The following PHC2 variants were observed in gnomAD, a reference collection of about 807,000 sequenced individuals.
PHC2 encodes the protein polyhomeotic homolog 2.
Under a neutral mutation model 87.4 loss-of-function variants are expected in PHC2, and 29 were observed. The observed-to-expected ratio is 0.33, with a 90% CI of 0.25 to 0.45. PHC2 has a LOEUF of 0.45. PHC2 is among the 20% of genes least tolerant of loss of function. The pLI is 1.00. For missense variants in PHC2, 857 were observed against 1,136.7 expected, an observed-to-expected ratio of 0.75 and a Z score of 3.54; for synonymous variants, 438 against 461.7, an observed-to-expected ratio of 0.95 and a Z score of 0.66.
At chr1:33,354,703 T>C (rs576994628) in intron 8 of PHC2, 135 bp downstream of exon 8, 3 of 1,306,846 alleles carry the variant, frequency 2.3e-6, no homozygotes, top group African/African-American at 2.9e-5. Flanking sequence ...GGGAAGGCCC[T>C]CTCTTCCTTC....
rs1646589404 is a variant in PHC2 at position 33,334,848 on chromosome 1, A to G, written c.1559-556T>C. ...GGAATGTGGGTGCTGAACCCCAAGT[A>G]AAGGCTATCATGTATATTTGACTAT... On this transcript the variant is annotated intron_variant, in intron 9 of 14. Coordinates refer to ENST00000683057, the MANE Select transcript of PHC2 (RefSeq NM_001385109.1). The surrounding 1 kb of genome is among the most constrained non-coding windows in gnomAD (Gnocchi z 5.5). Among the ~76,000 whole-genome samples the G allele has an allele frequency of 6.6e-6, 1 of 152,212 alleles. No homozygotes were observed. The highest frequency in any genetic ancestry group is 2.1e-4 in the South Asian group (1 of 4,836).
At chr1:33,427,644 TAATG>T (rs928865926) in intron 1 of PHC2, among the ~76,000 whole-genome samples, 2 of 152,224 alleles carry the variant, frequency 1.3e-5, no homozygotes, top group African/African-American at 4.8e-5. Flanking sequence ...TTACTAAGTA[TAATG>T]AATGTTTCCC....
In PHC2 at chr1:33,349,551, C is replaced by G. The variant is rs1004749333; in HGVS notation, c.1558+4850G>C. ...ACTTCCAGTGCGGCGAGCGCGGCCC[C>G]CGGCCTCCCTACTGGCGAGAACCCC... On this transcript the variant is annotated intron_variant, in intron 9 of 14. Transcript: ENST00000683057. The surrounding 1 kb of genome is among the most constrained non-coding windows in gnomAD (Gnocchi z 4.2). 6 of 982,776 alleles carry G rather than the reference C, an allele frequency of 6.1e-6. No individual in the cohort carries two copies. The highest frequency in any genetic ancestry group is 6.0e-6 in the Non-Finnish European group (5 of 827,838). 60.9% of individuals were successfully genotyped at this position (982,776 alleles called of 1,614,324 possible).
intron 9 of PHC2, among the ~76,000 whole-genome samples, chr1:33,353,612 TAA>T (rs1647014170): frequency 6.6e-6 from 1 of 152,240 alleles, no homozygotes; most frequent in Admixed American, 6.5e-5. Context: ...CATCAATTTC[TAA>T]ACTCTTTTTC....
Position 33,349,638 on chromosome 1 carries a change from C to A in PHC2, c.1558+4763G>T. 1.0e-6 allele frequency: 1 copy of A among 983,514 alleles called. No individual in the cohort carries two copies. The highest frequency in any genetic ancestry group is 1.2e-6 in the Non-Finnish European group (1 of 829,386). The allele number at this position is 983,514 out of a possible 1,614,324, so 60.9% of individuals were successfully genotyped here. On this transcript the variant is annotated intron_variant, in intron 9 of 14. Coordinates refer to ENST00000683057, the MANE Select transcript of PHC2 (RefSeq NM_001385109.1). The surrounding 1 kb of genome is among the most constrained non-coding windows in gnomAD (Gnocchi z 4.2). ...TGGGCCTGGCCGGGCGGGGCCTACG[C>A]AGCCCCTCGGCCGGGCGCCGACTCG...
At position 33,370,538 on chromosome 1, in the gene PHC2, G is replaced by T. The variant is rs749922986; in HGVS notation, c.459C>A (p.Ala153=). The T allele has an allele frequency of 8.1e-6, 13 of 1,613,990 alleles. No individual in the cohort carries two copies. The South Asian group carries it at 1.3e-4, about 16-fold the overall frequency. Residue 153 remains alanine, a synonymous_variant, in exon 5 of 15, where the codon GCC becomes GCA. Transcript: ENST00000683057. ...AGGCTGCTGCAGAGTTCACACTCTG[G>T]GCCCGGTTGAGGAGCTGGGCTGCTG... ...SPAAAQLLNR[A]QSVNSAAASG... is the part of the protein sequence containing the mutation.
At position 33,344,631 on chromosome 1, in the gene PHC2, C is replaced by T. The variant is rs988244209; in HGVS notation, c.1558+9770G>A. Among the ~76,000 whole-genome samples the T allele has an allele frequency of 4.7e-4, 72 of 152,064 alleles. 4 individuals carry two copies. Among genetic ancestry groups the T allele is most frequent in the Non-Finnish European group, 4.4e-5 (3 of 68,006 alleles). Reference sequence around the variant, plus strand: ...TTATTTTTTATTTTTTGAGATGAGGCCTCGCTCTGTCACCCAGGCTGGAGT... The same window carrying T: ...TTATTTTTTATTTTTTGAGATGAGGTCTCGCTCTGTCACCCAGGCTGGAGT... On this transcript the variant is annotated intron_variant, in intron 9 of 14. Coordinates refer to ENST00000683057, the MANE Select transcript of PHC2 (RefSeq NM_001385109.1).
At chr1:33,391,115 C>CA (rs1405927967) in intron 1 of PHC2, among the ~76,000 whole-genome samples, 1 of 152,164 alleles carries the variant, frequency 6.6e-6, no homozygotes, top group Non-Finnish European at 1.5e-5. Context: ...CAGTGGTTCT[C>CA]AGACTTGAGC....
intron 1 of PHC2, among the ~76,000 whole-genome samples, chr1:33,407,764 T>C (rs1013473649): frequency 5.3e-5 from 8 of 152,242 alleles, no homozygotes; most frequent in African/African-American, 1.9e-4. Flanking sequence ...TAAGAGATAG[T>C]ATTTTTATTT....
intron 7 of PHC2, among the ~76,000 whole-genome samples, chr1:33,356,273 A>ATATATATATATATATATATATATATACT (rs1214385469): frequency 2.1e-5 from 2 of 94,530 alleles, no homozygotes; most frequent in South Asian, 3.9e-4. Flanking sequence ...ATATATATAT[A>ATATATATATATATATATATATATATACT]TATGTATATA....
intron 7 of PHC2, among the ~76,000 whole-genome samples, chr1:33,356,406 G>C (rs1197238432): frequency 6.6e-6 from 1 of 150,550 alleles, no homozygotes; most frequent in African/African-American, 2.4e-5. Context: ...TGTGAACAAG[G>C]GTCTCTGGTT....
At chr1:33,361,677 G>A (rs1431312802) in intron 7 of PHC2, among the ~76,000 whole-genome samples, 1 of 152,244 alleles carries the variant, frequency 6.6e-6, no homozygotes, top group Non-Finnish European at 1.5e-5. Context: ...GGAAATAACA[G>A]TCTCTGAGGG....
chr1:33,400,118 T>C (rs886360262), intron 1 of PHC2, among the ~76,000 whole-genome samples: 5 of 152,120 alleles, frequency 3.3e-5, no homozygotes, highest in Non-Finnish European at 5.9e-5. Context: ...ATAAGATTGG[T>C]AAACATTTAG....
chr1:33,376,035 T>C lies in PHC2; in HGVS notation c.-54-442A>G, dbSNP rs1648161188. 2.0e-5 allele frequency among the ~76,000 whole-genome samples: 3 copies of C among 152,192 alleles called. No individual in the cohort carries two copies. The South Asian group carries it at 6.2e-4, about 32-fold the overall frequency. On this transcript the variant is annotated intron_variant, in intron 1 of 14. Transcript: ENST00000683057. ...GTCTGTGGTGGGGCCACTTGGGAAC[T>C]GAGGTCTCTGTTTTTTGAGACTGGA...
rs1557842836 is a variant in PHC2, at chr1:33,389,069, A to AG, written c.-54-13477_-54-13476insC. Among the ~76,000 whole-genome samples, 11 of 135,792 alleles carry AG rather than the reference A, an allele frequency of 8.1e-5. No individual in the cohort carries two copies. In the East Asian group the frequency reaches 8.2e-4, roughly 10 times the overall value. 89.1% of individuals were successfully genotyped at this position (135,792 alleles called of 152,430 possible). A position where few individuals can be genotyped will look rare whatever the true frequency, so the allele number is the denominator to read the frequency against. On this transcript the variant is annotated intron_variant, in intron 1 of 14. Transcript: ENST00000683057. ...AAGAAATGTTCTTGTTAAAAAAAAA[A>AG]AAAAAAGAAAGAAAGAAAAAAAACC...
chr1:33,427,401 G>T (rs1209029560), intron 1 of PHC2, among the ~76,000 whole-genome samples: 3 of 152,284 alleles, frequency 2.0e-5, no homozygotes, highest in Non-Finnish European at 4.4e-5. Context: ...AAATAATGAA[G>T]CAGACAGGGA....
chr1:33,354,153 T>TA (rs1182666712), intron 9 of PHC2, among the ~76,000 whole-genome samples: 1 of 152,222 alleles, frequency 6.6e-6, no homozygotes, highest in Non-Finnish European at 1.5e-5. Flanking sequence ...GACATGCAGG[T>TA]AGGCCCCAGT....
chr1:33,419,905 G>A (rs369796035), intron 1 of PHC2, among the ~76,000 whole-genome samples: 7 of 150,794 alleles, frequency 4.6e-5, no homozygotes, highest in South Asian at 4.2e-4. Flanking sequence ...CACCGCGCCC[G>A]GCCACCTCTC....
Position 33,369,433 on chromosome 1 carries a change from T to C in PHC2, c.577-811A>G, listed in dbSNP as rs1325403146. Among the ~76,000 whole-genome samples, 8 of 152,126 alleles carry C rather than the reference T, an allele frequency of 5.3e-5. No homozygotes were observed. Among genetic ancestry groups the C allele is most frequent in the Admixed American group, 3.9e-4 (6 of 15,276 alleles). On this transcript the variant is annotated intron_variant, in intron 5 of 14. Transcript: ENST00000683057. This position sits in a 1 kb window ranked among gnomAD's most constrained non-coding sequence, Gnocchi z 4.7. The stretch of plus-strand genomic sequence containing the variant: ...ATCACGACCCCAGTGGAGTAGGACA[T>C]AGGGACAAGCAACCTGCAGACACAG...
Sources: gnomAD v4.1 joint callset for allele counts (sites outside exome capture counted in the v4.1 genomes callset) on GRCh38, gnomAD v4.1.1 for gene constraint, Gnocchi (gnomAD v3.1) non-coding constraint, MANE v1.5 for transcripts, NCBI Gene and HGNC (gene_info 2026-07-23, HGNC 2026-07-21) for gene names.